Variants in CAST observed in about 807,000 individuals in gnomAD.
CAST encodes the protein calpastatin.
CAST carries 76 observed loss-of-function variants against 119.6 expected under a neutral mutation model. The ratio of observed to expected loss-of-function variants is 0.64; its 90% CI spans 0.53 to 0.77. The LOEUF is 0.77. Ranked by LOEUF, CAST falls within the 30% of genes least tolerant of loss-of-function variation. The pLI, the probability that CAST is intolerant of heterozygous loss-of-function variation, is 0.00. For missense variants in CAST, 953 were observed against 946.5 expected, an observed-to-expected ratio of 1.01 and a Z score of -0.09; for synonymous variants, 319 against 331.6, an observed-to-expected ratio of 0.96 and a Z score of 0.41.
At chr5:96,038,497 T>A in the CAST span, among the ~76,000 whole-genome samples, 1 of 151,986 alleles carries the variant, frequency 6.6e-6, no homozygotes, top group Non-Finnish European at 1.5e-5. Context: ...CATTAGGTAT[T>A]TCTCCTAATG....
intron 3 of CAST, chr5:96,702,851 C>A: frequency 1.0e-6 from 1 of 985,468 alleles, no homozygotes; most frequent in Non-Finnish European, 1.2e-6. Flanking sequence ...GGAGCCGAGC[C>A]CAGCTAGGAA....
At chr5:96,707,317 T>C (rs1755195495) in intron 3 of CAST, among the ~76,000 whole-genome samples, 1 of 152,212 alleles carries the variant, frequency 6.6e-6, no homozygotes, top group African/African-American at 2.4e-5. Flanking sequence ...TTAACTTTAT[T>C]TGAGGAAGAT....
At chr5:96,139,764 C>T in the CAST span, among the ~76,000 whole-genome samples, 1 of 151,742 alleles carries the variant, frequency 6.6e-6, no homozygotes, top group Non-Finnish European at 1.5e-5. Context: ...CTAGGTCCGA[C>T]CATGTTATGT....
At chr5:96,109,797 A>G in the CAST span, among the ~76,000 whole-genome samples, 3 of 152,328 alleles carry the variant, frequency 2.0e-5, no homozygotes, top group African/African-American at 7.2e-5. Flanking sequence ...GGCTTTAAAA[A>G]TACAAATTAT....
the CAST span, among the ~76,000 whole-genome samples, chr5:96,032,492 A>G: frequency 6.6e-6 from 1 of 152,154 alleles, no homozygotes; most frequent in African/African-American, 2.4e-5. Context: ...ACACCTATCT[A>G]TGCTTAATAG....
intron 1 of CAST, among the ~76,000 whole-genome samples, chr5:96,637,910 G>T (rs1286679243): frequency 1.3e-5 from 2 of 152,148 alleles, no homozygotes; most frequent in African/African-American, 4.8e-5. Context: ...AGTGTGACTG[G>T]GCTTTGGAAA....
At chr5:96,329,820 T>G in the CAST span, among the ~76,000 whole-genome samples, 1 of 152,220 alleles carries the variant, frequency 6.6e-6, no homozygotes. Flanking sequence ...CAGATTAATC[T>G]CAAGAAACTC....
the CAST span, among the ~76,000 whole-genome samples, chr5:96,097,513 G>A: frequency 1.3e-5 from 2 of 152,018 alleles, no homozygotes; most frequent in Admixed American, 1.3e-4. Context: ...GCCACAGTGT[G>A]TTGTTCCCCT....
the CAST span, among the ~76,000 whole-genome samples, chr5:96,288,804 G>T: frequency 6.6e-6 from 1 of 151,966 alleles, no homozygotes; most frequent in African/African-American, 2.4e-5. Flanking sequence ...AAAGACCTTT[G>T]GCACAGTACA....
At chr5:96,310,739 CT>C in the CAST span, among the ~76,000 whole-genome samples, 1 of 150,144 alleles carries the variant, frequency 6.7e-6, no homozygotes. Flanking sequence ...TCTTTTGATC[CT>C]TTGTATTTTT....
the CAST span, among the ~76,000 whole-genome samples, chr5:96,399,280 T>C: frequency 3.3e-5 from 5 of 152,192 alleles, no homozygotes; most frequent in Non-Finnish European, 5.9e-5. Flanking sequence ...AGATTTATTG[T>C]AGACCCATCA....
At chr5:96,365,601 T>C in the CAST span, among the ~76,000 whole-genome samples, 1 of 152,204 alleles carries the variant, frequency 6.6e-6, no homozygotes, top group African/African-American at 2.4e-5. Context: ...TCTCTTTTGA[T>C]CTTTGTTGGT....
chr5:96,316,024 C>T, the CAST span, among the ~76,000 whole-genome samples: 2 of 152,160 alleles, frequency 1.3e-5, no homozygotes, highest in Non-Finnish European at 2.9e-5. Context: ...AAAAACAAAA[C>T]CCACCCAGCT....
In CAST at chr5:96,770,585, G is replaced by A. The variant is rs1332560076; in HGVS notation, c.2323G>A (p.Ala775Thr). The A allele has an allele frequency of 1.2e-6, 2 of 1,612,146 alleles. No individual in the cohort carries two copies. The highest frequency in any genetic ancestry group is 3.3e-5 in the Admixed American group (2 of 59,958). ...SSKAPKNGGK[A>T]KDSAKTTEET... ...CAAAGCACCTAAGAATGGAGGTAAA[G>A]CGAAGGATTCAGCAAAGGTAAATGG... Residue 775 changes from alanine (A) to threonine (T), a missense_variant, in exon 30 of 32, where the codon GCG becomes ACG. By Grantham distance (58) the Ala-to-Thr change is moderately conservative (BLOSUM62 0). Coordinates refer to ENST00000675179, the MANE Select transcript of CAST (RefSeq NM_001750.7).
At chr5:96,446,844 G>C in the CAST span, among the ~76,000 whole-genome samples, 2 of 152,182 alleles carry the variant, frequency 1.3e-5, no homozygotes, top group African/African-American at 4.8e-5. Context: ...TGAAGAAAAA[G>C]CATCTGTGGA....
At chr5:96,741,213 C>A in intron 13 of CAST, 53 bp from the exon 14 acceptor site, 1 of 948,254 alleles carries the variant, frequency 1.1e-6, no homozygotes, top group Non-Finnish European at 1.7e-6. Context: ...ATGATCCATT[C>A]TTCCACTTGA....
the CAST span, among the ~76,000 whole-genome samples, chr5:96,292,215 G>C: frequency 3.3e-5 from 5 of 152,164 alleles, no homozygotes; most frequent in Non-Finnish European, 2.9e-5. Flanking sequence ...CCAAAGGTCA[G>C]AGTAGGCATC....
chr5:96,491,362 G>A, the CAST span, among the ~76,000 whole-genome samples: 26 of 150,428 alleles, frequency 1.7e-4, no homozygotes, highest in African/African-American at 3.9e-4. Flanking sequence ...GTGGTGGCGG[G>A]CGCCTGTAGT....
the CAST span, among the ~76,000 whole-genome samples, chr5:96,016,740 A>G: frequency 6.6e-6 from 1 of 151,518 alleles, no homozygotes; most frequent in South Asian, 2.1e-4. Context: ...CTTATCAATT[A>G]CTAGAAATTG....
Sources: gnomAD v4.1 joint callset for allele counts (sites outside exome capture counted in the v4.1 genomes callset) on GRCh38, gnomAD v4.1.1 for gene constraint, MANE v1.5 for transcripts, NCBI Gene and HGNC (gene_info 2026-07-23, HGNC 2026-07-21) for gene names.